SLC9A6: variants seen among roughly 807,000 people sequenced by gnomAD.
SLC9A6 encodes the protein sodium/hydrogen exchanger 6.
A neutral mutation model predicts 45.3 loss-of-function variants in SLC9A6; 6 were observed. The observed-to-expected ratio is 0.13, with a 90% CI of 0.07 to 0.26. The LOEUF (loss-of-function observed/expected upper bound fraction) is 0.26, where lower values mean the gene tolerates loss of function less well. Ranked by LOEUF, SLC9A6 falls within the 10% of genes least tolerant of loss-of-function variation. The pLI, the probability that SLC9A6 is intolerant of heterozygous loss-of-function variation, is 1.00. For missense variants in SLC9A6, 278 were observed against 503.7 expected (o/e 0.55, Z 4.29); for synonymous variants, 191 against 187.7 (o/e 1.02, Z -0.14).
intron 16 of SLC9A6, among the ~76,000 whole-genome samples, chrX:136,037,562 A>G (rs1459677289): frequency 1.8e-5 from 2 of 110,090 alleles, no homozygotes; most frequent in Non-Finnish European, 3.8e-5. Flanking sequence ...TTGGATATTT[A>G]TTTATTTATT....
In SLC9A6 at chrX:136,002,549, A is replaced by T. The variant is rs371540309; in HGVS notation, c.743+336A>T. ...ATGAGCATTTAATTTTTTAAATTAG[A>T]TTTAATATTTTCTTTCTTTTTTTTT... On this transcript the variant is annotated intron_variant, in intron 7 of 17. Transcript: ENST00000630721. Among the ~76,000 whole-genome samples the T allele has an allele frequency of 7.2e-5, 8 of 110,403 alleles. No homozygotes were observed. The East Asian group carries it at 1.7e-3, about 23-fold the overall frequency.
intron 6 of SLC9A6, among the ~76,000 whole-genome samples, chrX:136,000,189 T>C (rs1241389642): frequency 1.1e-5 from 1 of 95,005 alleles, no homozygotes; most frequent in Admixed American, 1.4e-4. Context: ...AGTTTGAGGC[T>C]GCAGTGAGCT....
At chrX:136,034,038 G>A (rs782110299) in intron 16 of SLC9A6, among the ~76,000 whole-genome samples, 21 of 110,809 alleles carry the variant, frequency 1.9e-4, no homozygotes, top group Non-Finnish European at 3.8e-4. Flanking sequence ...TTTCCTTCTT[G>A]CCCTGTTGTA....
chrX:136,026,544 T>G (rs2071229326), intron 13 of SLC9A6, among the ~76,000 whole-genome samples: 2 of 110,517 alleles, frequency 1.8e-5, no homozygotes, highest in African/African-American at 3.3e-5. Flanking sequence ...GTGGTTCTTT[T>G]TTTTTTTTTG....
At chrX:136,002,563 T>C (rs1371652758) in intron 7 of SLC9A6, among the ~76,000 whole-genome samples, 1 of 111,356 alleles carries the variant, frequency 9.0e-6, no homozygotes, top group East Asian at 2.8e-4. Context: ...AATATTTTCT[T>C]TCTTTTTTTT....
intron 2 of SLC9A6, 148 bp downstream of exon 2, chrX:135,985,975 C>A: frequency 3.0e-6 from 2 of 677,434 alleles, no homozygotes; most frequent in Non-Finnish European, 4.5e-6. Flanking sequence ...CCCTACCCCG[C>A]GTTTCTCTGC....
intron 2 of SLC9A6, 101 bp downstream of exon 2, chrX:135,985,928 C>T: frequency 2.0e-6 from 2 of 994,855 alleles, no homozygotes; most frequent in Non-Finnish European, 2.8e-6. Context: ...ACGTTCGGCT[C>T]CCCTTCTAAT....
chrX:136,037,961 C>T (rs1217493833), intron 16 of SLC9A6, among the ~76,000 whole-genome samples: 2 of 112,303 alleles, frequency 1.8e-5, no homozygotes, highest in African/African-American at 6.5e-5. Context: ...CTTCTATATA[C>T]ATAATTAAAT....
At chrX:135,985,525 G>T (rs782480145) in intron 1 of SLC9A6, 48 bp downstream of exon 1, 7 of 1,131,189 alleles carry the variant, frequency 6.2e-6, no homozygotes, top group Non-Finnish European at 8.1e-6. Context: ...GGCTGGCGGC[G>T]GGCACCCCTC....
chrX:136,029,096 T>A, intron 14 of SLC9A6, 121 bp downstream of exon 14: 1 of 269,381 alleles, frequency 3.7e-6, no homozygotes, highest in Non-Finnish European at 6.5e-6. Flanking sequence ...CTTTGGAACT[T>A]GAAAATCGCT....
At chrX:135,996,708 A>G (rs1488652326) in intron 3 of SLC9A6, among the ~76,000 whole-genome samples, 1 of 110,874 alleles carries the variant, frequency 9.0e-6, no homozygotes, top group East Asian at 2.8e-4. Context: ...TTATATTACC[A>G]GTTTGGGGTT....
intron 16 of SLC9A6, among the ~76,000 whole-genome samples, chrX:136,037,548 A>G: frequency 9.0e-6 from 1 of 110,828 alleles, no homozygotes; most frequent in Non-Finnish European, 1.9e-5. Context: ...ATATAGATAG[A>G]AAATTGGATA....
At chrX:135,982,411 C>T (rs1384948207), upstream of SLC9A6, among the ~76,000 whole-genome samples, 11 of 55,313 alleles carry the variant, frequency 2.0e-4, no homozygotes, top group African/African-American at 6.5e-4. Context: ...TTGGGGGGGG[C>T]GGTGATTGTT....
intron 12 of SLC9A6, among the ~76,000 whole-genome samples, chrX:136,023,207 A>AG (rs1556620157): frequency 3.9e-5 from 2 of 51,124 alleles, no homozygotes; most frequent in Admixed American, 4.6e-4. Flanking sequence ...ATATATATAT[A>AG]TATATATATA....
chrX:136,010,855 A>G (rs377526853), intron 8 of SLC9A6, among the ~76,000 whole-genome samples: 1 of 112,537 alleles, frequency 8.9e-6, no homozygotes, highest in East Asian at 2.8e-4. Context: ...TTATAGTTGT[A>G]GATTAAATAG....
upstream of SLC9A6, among the ~76,000 whole-genome samples, chrX:135,980,918 T>C (rs1556613916): frequency 8.9e-6 from 1 of 112,103 alleles, no homozygotes; most frequent in Non-Finnish European, 1.9e-5. Context: ...TTAGGCCTTA[T>C]GCTAGATGCT....
chrX:136,017,498 G>A, intron 11 of SLC9A6, among the ~76,000 whole-genome samples: 1 of 110,716 alleles, frequency 9.0e-6, no homozygotes, highest in Admixed American at 9.6e-5. Flanking sequence ...AATAGTGAAA[G>A]CCTCTTGAGA....
intron 6 of SLC9A6, among the ~76,000 whole-genome samples, chrX:136,000,072 A>G (rs782146499): frequency 4.7e-5 from 5 of 107,503 alleles, no homozygotes; most frequent in Admixed American, 1.0e-4. Context: ...ACACAGTGAC[A>G]CCCTGTCTCT....
intron 16 of SLC9A6, among the ~76,000 whole-genome samples, chrX:136,039,313 A>G (rs1007106532): frequency 2.7e-5 from 3 of 110,827 alleles, no homozygotes; most frequent in African/African-American, 9.9e-5. Context: ...AAAAAAAAAT[A>G]AATGAATAAA....
Sources: gnomAD v4.1 joint callset for allele counts (sites outside exome capture counted in the v4.1 genomes callset) on GRCh38, gnomAD v4.1.1 for gene constraint, MANE v1.5 for transcripts, NCBI Gene and HGNC (gene_info 2026-07-23, HGNC 2026-07-21) for gene names.